The following ST3GAL6 variants were observed in gnomAD, a reference collection of about 807,000 sequenced individuals.
The protein encoded by ST3GAL6 is ST3 beta-galactoside alpha-2,3-sialyltransferase 6, also known as type 2 lactosamine alpha-2,3-sialyltransferase.
A neutral mutation model predicts 40.5 loss-of-function variants in ST3GAL6; 31 were observed. The observed-to-expected ratio is 0.77, with a 90% CI of 0.58 to 1.03. ST3GAL6 has a LOEUF of 1.03. Among genes scored for constraint, ST3GAL6 ranks in the 50% least tolerant of loss-of-function variants. The pLI is 0.00. For missense variants in ST3GAL6, 357 were observed against 393.2 expected (o/e 0.91, Z 0.78); for synonymous variants, 129 against 136.9 (o/e 0.94, Z 0.40).
intron 3 of ST3GAL6, chr3:98,771,317 T>A: frequency 2.6e-6 from 1 of 383,110 alleles, no homozygotes; most frequent in Non-Finnish European, 4.5e-6. Flanking sequence ...TCTCCTTCCT[T>A]GCCTCTAGGT....
intron 1 of ST3GAL6, among the ~76,000 whole-genome samples, 152 bp downstream of exon 1, chr3:98,763,591 G>A (rs1576075324): frequency 6.6e-6 from 1 of 152,120 alleles, no homozygotes; most frequent in Non-Finnish European, 1.5e-5. Context: ...AGTTACTGAG[G>A]AGTATTATTG....
At chr3:98,742,994 C>T (rs1183913667) in intron 1 of ST3GAL6, among the ~76,000 whole-genome samples, 1 of 146,124 alleles carries the variant, frequency 6.8e-6, no homozygotes, top group Non-Finnish European at 1.5e-5. Context: ...GCCACCATGC[C>T]AGGCTCTTTT....
intron 1 of ST3GAL6, chr3:98,732,832 G>A: frequency 6.7e-7 from 1 of 1,501,370 alleles, no homozygotes; most frequent in Non-Finnish European, 8.8e-7. Context: ...ACCTTCCTTT[G>A]GTTTCTGCCG....
intron 1 of ST3GAL6, among the ~76,000 whole-genome samples, chr3:98,745,741 A>G (rs1936490894): frequency 6.6e-6 from 1 of 152,270 alleles, no homozygotes; most frequent in South Asian, 2.1e-4. Flanking sequence ...CCTGTTGTTT[A>G]TACTGGGAAG....
At chr3:98,751,204 G>A (rs141452362) in intron 1 of ST3GAL6, among the ~76,000 whole-genome samples, 224 of 152,086 alleles carry the variant, frequency 1.5e-3, no homozygotes, top group East Asian at 5.4e-3. Flanking sequence ...CACTGCGCTC[G>A]TCCCAGACTG....
intron 1 of ST3GAL6, among the ~76,000 whole-genome samples, chr3:98,766,798 T>C (rs150051231): frequency 1.1e-3 from 160 of 152,282 alleles, no homozygotes; most frequent in African/African-American, 3.8e-3. Flanking sequence ...TTTTGGCCCA[T>C]GGTAAACTGC....
chr3:98,744,072 G>T (rs1051366909), intron 1 of ST3GAL6, among the ~76,000 whole-genome samples: 4 of 152,124 alleles, frequency 2.6e-5, no homozygotes, highest in African/African-American at 9.7e-5. Context: ...ACAGAAACAC[G>T]GGAAAACACC....
chr3:98,749,534 T>A (rs563820739), intron 1 of ST3GAL6, among the ~76,000 whole-genome samples: 94 of 152,304 alleles, frequency 6.2e-4, no homozygotes, highest in African/African-American at 2.2e-3. Context: ...AAAAATCAGA[T>A]TGGAGAGGAT....
rs536831116 is a variant in ST3GAL6 at position 98,778,836 on chromosome 3, C to T, written c.335+4853C>T. On this transcript the variant is annotated intron_variant, in intron 5 of 9. Coordinates refer to ENST00000483910, the MANE Select transcript of ST3GAL6 (RefSeq NM_001323368.2). ...TCTCCTGGCTGCAAGTAATAGTCTT[C>T]ACTAGGAGTGATTTAAACTACGTGG... Among the ~76,000 whole-genome samples the T allele has an allele frequency of 2.0e-5, 3 of 152,326 alleles. No individual in the cohort carries two copies. In the East Asian group the frequency reaches 5.8e-4, roughly 29 times the overall value.
intron 6 of ST3GAL6, among the ~76,000 whole-genome samples, chr3:98,787,048 A>G (rs1940796825): frequency 6.6e-6 from 1 of 151,538 alleles, no homozygotes; most frequent in Non-Finnish European, 1.5e-5. Context: ...ATACATTAGG[A>G]TGGTTTGGCA....
At chr3:98,788,888 AC>A (rs1201528821) in intron 8 of ST3GAL6, among the ~76,000 whole-genome samples, 1 of 152,222 alleles carries the variant, frequency 6.6e-6, no homozygotes, top group Admixed American at 6.5e-5. Context: ...TAAAAATATC[AC>A]AGGAAAGCCA....
At chr3:98,753,089 A>G (rs1200200298) in intron 1 of ST3GAL6, among the ~76,000 whole-genome samples, 2 of 152,254 alleles carry the variant, frequency 1.3e-5, no homozygotes, top group East Asian at 1.9e-4. Flanking sequence ...AATACAGACC[A>G]GAAACTATGC....
At chr3:98,771,191 G>A (rs1938950321) in intron 3 of ST3GAL6, 4 of 1,444,356 alleles carry the variant, frequency 2.8e-6, no homozygotes, top group African/African-American at 2.8e-5. Context: ...TTTCACACAG[G>A]TGAGGCTAGA....
intron 5 of ST3GAL6, among the ~76,000 whole-genome samples, chr3:98,777,230 C>G (rs1939639694): frequency 6.6e-6 from 1 of 152,232 alleles, no homozygotes; most frequent in South Asian, 2.1e-4. Context: ...ATAACACTTC[C>G]TTACCTCCAA....
chr3:98,790,376 A>G (rs1027004280), intron 8 of ST3GAL6, among the ~76,000 whole-genome samples: 6 of 152,194 alleles, frequency 3.9e-5, no homozygotes, highest in Non-Finnish European at 7.3e-5. Flanking sequence ...AATGTGAGTA[A>G]AGATACAGGT....
intron 1 of ST3GAL6, among the ~76,000 whole-genome samples, chr3:98,738,767 T>A (rs1254798384): frequency 1.3e-5 from 2 of 152,164 alleles, no homozygotes; most frequent in Admixed American, 6.5e-5. Context: ...GTGGGAGACT[T>A]TAACACCCCA....
At chr3:98,793,395 A>G (rs567217543) in intron 9 of ST3GAL6, among the ~76,000 whole-genome samples, 157 of 152,308 alleles carry the variant, frequency 1.0e-3, no homozygotes, top group Non-Finnish European at 1.8e-3. Flanking sequence ...TGGTCTCCAG[A>G]TTTGTATTGT....
At chr3:98,749,027 T>C (rs1313399769) in intron 1 of ST3GAL6, among the ~76,000 whole-genome samples, 1 of 152,224 alleles carries the variant, frequency 6.6e-6, no homozygotes, top group Non-Finnish European at 1.5e-5. Context: ...ATTTCTGCCT[T>C]TCTTGATGAA....
chr3:98,751,479 C>T (rs751718733), intron 1 of ST3GAL6, among the ~76,000 whole-genome samples: 6 of 152,124 alleles, frequency 3.9e-5, no homozygotes, highest in African/African-American at 4.8e-5. Context: ...CTACTTAACA[C>T]TTCAAAAGTG....
Sources: allele counts gnomAD v4.1 joint callset (sites outside exome capture counted in the v4.1 genomes callset), GRCh38; gene constraint gnomAD v4.1.1; transcripts MANE v1.5; gene names NCBI Gene and HGNC (gene_info 2026-07-23, HGNC 2026-07-21).